The following CMYA5 variants were observed in gnomAD, a reference collection of about 807,000 sequenced individuals.
CMYA5 encodes the protein cardiomyopathy-associated protein 5.
Under a neutral mutation model 318.9 loss-of-function variants are expected in CMYA5, and 246 were observed. That is an observed-to-expected ratio of 0.77 (90% confidence interval 0.70 to 0.86). CMYA5 has a LOEUF of 0.86. CMYA5 is among the 40% of genes least tolerant of loss of function. The pLI is 0.00. For synonymous variants in CMYA5, 1,641 were observed against 1,729.5 expected, an observed-to-expected ratio of 0.95 and a Z score of 1.27; for missense variants, 4,589 against 4,678.2, an observed-to-expected ratio of 0.98 and a Z score of 0.56.
chr5:79,692,325 T>TA (rs1374814462), intron 1 of CMYA5, among the ~76,000 whole-genome samples: 1 of 152,198 alleles, frequency 6.6e-6, no homozygotes, highest in African/African-American at 2.4e-5. Flanking sequence ...CCTTCATTTT[T>TA]AAAAATTCAA....
At chr5:79,723,649 G>T (rs1827689748) in intron 1 of CMYA5, among the ~76,000 whole-genome samples, 1 of 151,204 alleles carries the variant, frequency 6.6e-6, no homozygotes, top group Admixed American at 6.6e-5. Context: ...ATACTTGCAG[G>T]TACGTGGGAT....
At chr5:79,763,646 T>C (rs1409310499) in intron 9 of CMYA5, among the ~76,000 whole-genome samples, 3 of 152,208 alleles carry the variant, frequency 2.0e-5, no homozygotes, top group Admixed American at 6.5e-5. Flanking sequence ...TACATGTATA[T>C]TATCATGGAG....
At chr5:79,700,871 G>C (rs546265429) in intron 1 of CMYA5, among the ~76,000 whole-genome samples, 2 of 152,218 alleles carry the variant, frequency 1.3e-5, no homozygotes, top group South Asian at 4.1e-4. Context: ...CATGAAGATA[G>C]AGAGTAGATT....
intron 1 of CMYA5, among the ~76,000 whole-genome samples, chr5:79,699,519 G>C (rs1039816856): frequency 1.3e-5 from 2 of 152,194 alleles, no homozygotes. Flanking sequence ...TCAAATACAG[G>C]ATCTAGGTTA....
At position 79,735,812 on chromosome 5, in the gene CMYA5, A is replaced by G. The variant is rs1828049690; in HGVS notation, c.7047A>G (p.Pro2349=). The change falls in exon 2 of 13, where the codon CCA becomes CCG. Residue 2349 remains proline, a synonymous_variant. Transcript: ENST00000446378. Reference sequence around the variant, plus strand: ...CTGATAGTAAAAGAGTCCAGAAGCCAGCAATCGCTCCTCCATCTAAATGGA... The same window carrying G: ...CTGATAGTAAAAGAGTCCAGAAGCCGGCAATCGCTCCTCCATCTAAATGGA... The part of the protein sequence containing the change: ...HVTDSKRVQK[P]AIAPPSKWNI... 1 of 1,550,334 alleles carries G rather than the reference A, an allele frequency of 6.5e-7. No homozygotes were observed. The highest frequency in any genetic ancestry group is 2.2e-5 in the Admixed American group (1 of 46,110).
rs770494299 is a variant in CMYA5 at position 79,733,482 on chromosome 5, T to G, written c.4717T>G (p.Leu1573Val). The G allele has an allele frequency of 4.8e-5, 77 of 1,613,846 alleles. No homozygotes were observed. In the Admixed American group the frequency reaches 5.2e-4, roughly 11 times the overall value. Residue 1573 changes from leucine (L) to valine (V), a missense_variant, in exon 2 of 13, where the codon TTG becomes GTG. This residue lies in a region of CMYA5 where 2,132 missense variants were observed against 2,131.3 expected (regional missense o/e 1.00). Coordinates refer to ENST00000446378, the MANE Select transcript of CMYA5 (RefSeq NM_153610.5). ...GGAAACAGCAAGTTCATCTCCTGAG[T>G]TGGAAAATTTAGCATCAGGTTTAGC... ...DEETASSSPELENLASGLAPT... is the reference protein window; with the variant it reads ...DEETASSSPEVENLASGLAPT...
chr5:79,736,560 G>A lies in CMYA5; in HGVS notation c.7795G>A (p.Glu2599Lys). Residue 2599 changes from glutamate to lysine, a missense_variant, in exon 2 of 13, where the codon GAA (glutamate) becomes AAA (lysine). Coordinates refer to ENST00000446378, the MANE Select transcript of CMYA5 (RefSeq NM_153610.5). ...VKATSVTEKS[E>K]AMLAEAHPEI... ...AGCTACATCAGTTACTGAAAAATCA[G>A]AAGCCATGCTCGCAGAGGCTCACCC... The A allele has an allele frequency of 6.2e-7, 1 of 1,613,702 alleles. No individual in the cohort carries two copies. Among genetic ancestry groups the A allele is most frequent in the South Asian group, 1.1e-5 (1 of 91,074 alleles).
At chr5:79,718,134 G>A (rs1487167305) in intron 1 of CMYA5, among the ~76,000 whole-genome samples, 2 of 47,904 alleles carry the variant, frequency 4.2e-5, no homozygotes, top group South Asian at 5.2e-4. Context: ...TGATCCGCCC[G>A]CCTCGGCCTC....
intron 1 of CMYA5, among the ~76,000 whole-genome samples, chr5:79,723,179 G>A (rs557484727): frequency 6.6e-6 from 1 of 151,950 alleles, no homozygotes; most frequent in South Asian, 2.1e-4. Flanking sequence ...AGTGGCTCAC[G>A]CCTGTAATCC....
chr5:79,727,347 G>A (rs1337570783), intron 1 of CMYA5, among the ~76,000 whole-genome samples: 1 of 152,162 alleles, frequency 6.6e-6, no homozygotes, highest in African/African-American at 2.4e-5. Flanking sequence ...GGCAGTATTA[G>A]TATTTTTAAA....
intron 1 of CMYA5, among the ~76,000 whole-genome samples, chr5:79,691,659 G>C (rs2151073098): frequency 6.6e-6 from 1 of 152,348 alleles, no homozygotes; most frequent in East Asian, 1.9e-4. Context: ...CAGGAAGTCA[G>C]CAAAACTTCT....
In CMYA5 at chr5:79,729,012, A is replaced by G. The variant is rs994820753; in HGVS notation, c.247A>G (p.Ile83Val). 2 of 1,613,874 alleles carry G rather than the reference A, an allele frequency of 1.2e-6. No homozygotes were observed. Among genetic ancestry groups the G allele is most frequent in the Non-Finnish European group, 1.7e-6 (2 of 1,179,876 alleles). ...MVTVQREDSGITWETNSSRSS... is the reference protein window; with the variant it reads ...MVTVQREDSGVTWETNSSRSS... ...GACAGTCCAAAGGGAAGATAGTGGG[A>G]TAACCTGGGAAACCAATTCAAGTAG... Residue 83 changes from isoleucine to valine, a missense_variant, in exon 2 of 13, where the codon ATA (isoleucine) becomes GTA (valine). Physicochemically the swap from Ile to Val is conservative, Grantham distance 29 (BLOSUM62 3). This residue lies in a region of CMYA5 where 2,132 missense variants were observed against 2,131.3 expected (regional missense o/e 1.00). Coordinates refer to ENST00000446378, the MANE Select transcript of CMYA5 (RefSeq NM_153610.5).
chr5:79,723,264 C>G (rs1407893698), intron 1 of CMYA5, among the ~76,000 whole-genome samples: 1 of 151,734 alleles, frequency 6.6e-6, no homozygotes, highest in Non-Finnish European at 1.5e-5. Flanking sequence ...CATGGTGAAA[C>G]CTCATCTCTA....
At chr5:79,753,201 C>G (rs28591665) in intron 6 of CMYA5, among the ~76,000 whole-genome samples, 3 of 152,000 alleles carry the variant, frequency 2.0e-5, no homozygotes, top group Non-Finnish European at 4.4e-5. Flanking sequence ...GTGGTTTTCC[C>G]CTCTTCAATT....
intron 6 of CMYA5, among the ~76,000 whole-genome samples, chr5:79,755,178 T>G (rs7737390): frequency 6.6e-6 from 1 of 152,192 alleles, no homozygotes; most frequent in South Asian, 2.1e-4. Context: ...CCCAGTGTGG[T>G]GGCTCTTTTT....
At chr5:79,755,356 G>A (rs1292236342) in intron 6 of CMYA5, among the ~76,000 whole-genome samples, 16 of 151,786 alleles carry the variant, frequency 1.1e-4, no homozygotes, top group Non-Finnish European at 4.4e-5. Flanking sequence ...GCACCATCTC[G>A]GCTCACTGCA....
chr5:79,796,471 C>T (rs1168689168), intron 12 of CMYA5, among the ~76,000 whole-genome samples: 1 of 152,162 alleles, frequency 6.6e-6, no homozygotes, highest in Non-Finnish European at 1.5e-5. Context: ...GCAAACATGG[C>T]TCCATGCATC....
intron 1 of CMYA5, among the ~76,000 whole-genome samples, chr5:79,728,500 G>A (rs148116281): frequency 3.3e-4 from 50 of 152,192 alleles, no homozygotes; most frequent in Non-Finnish European, 6.5e-4. Flanking sequence ...CAGTGACTAG[G>A]AGGGAAGTGG....
chr5:79,753,246 G>A (rs1305508374), intron 6 of CMYA5, among the ~76,000 whole-genome samples: 1 of 152,034 alleles, frequency 6.6e-6, no homozygotes, highest in Admixed American at 6.6e-5. Context: ...CTAAACAGAT[G>A]AGCTTAGAGA....
Sources: gnomAD v4.1 joint callset for allele counts (sites outside exome capture counted in the v4.1 genomes callset) on GRCh38, gnomAD v4.1.1 for gene constraint, gnomAD v4.1.1 regional missense constraint, MANE v1.5 for transcripts, NCBI Gene and HGNC (gene_info 2026-07-23, HGNC 2026-07-21) for gene names.